Variants in MFGE8 observed in about 807,000 individuals in gnomAD.
MFGE8 encodes the protein milk fat globule EGF and factor V/VIII domain containing, also known as lactadherin.
In MFGE8, 34 loss-of-function variants were observed where a neutral mutation model predicts 42.6. The observed-to-expected ratio is 0.80, with a 90% CI of 0.61 to 1.06. MFGE8 has a LOEUF of 1.06. MFGE8 is among the 50% of genes least tolerant of loss of function. The pLI, the probability that MFGE8 is intolerant of heterozygous loss-of-function variation, is 0.00. For missense variants in MFGE8, 510 were observed against 516.9 expected (o/e 0.99, Z 0.13); for synonymous variants, 230 against 214.8 (o/e 1.07, Z -0.62).
At position 88,901,134 on chromosome 15, in the gene MFGE8, CAT is replaced by C. The variant is rs1387118291; in HGVS notation, c.870+415_870+416del. Among the ~76,000 whole-genome samples, 2 of 111,398 alleles carry C rather than the reference CAT, an allele frequency of 1.8e-5. 1 individual carries two copies. Among genetic ancestry groups the C allele is most frequent in the Non-Finnish European group, 4.0e-5 (2 of 49,688 alleles). 73.1% of individuals were successfully genotyped at this position (111,398 alleles called of 152,430 possible). On this transcript the variant is annotated intron_variant, in intron 6 of 7. Coordinates refer to ENST00000268150, the MANE Select transcript of MFGE8 (RefSeq NM_005928.4). ...TCACACATACACATTCACACACACA[CAT>C]TCACACACACATTCTCACACACACA...
chr15:88,900,808 T>C (rs906086055), intron 6 of MFGE8: 13 of 931,850 alleles, frequency 1.4e-5, no homozygotes, highest in Non-Finnish European at 1.7e-5. Context: ...TCTTAGACAC[T>C]GAGTCAGAGA....
intron 1 of MFGE8, chr15:88,912,786 C>G (rs1899028708): frequency 1.0e-6 from 1 of 985,286 alleles, no homozygotes. Flanking sequence ...CAATTGGGAG[C>G]GCAAAAATCC....
chr15:88,907,172 C>T (rs768632578), intron 3 of MFGE8, 23 bp downstream of exon 3: 14 of 1,607,516 alleles, frequency 8.7e-6, no homozygotes, highest in African/African-American at 4.0e-5. Context: ...ATTGCCCCGC[C>T]CCAGGGCCAT....
Position 88,906,770 on chromosome 15 carries a change from C to G in MFGE8, c.396G>C (p.Leu132=), listed in dbSNP as rs750409778. Residue 132 remains leucine, a synonymous_variant, in exon 4 of 8, where the codon CTG becomes CTC. Coordinates refer to ENST00000268150, the MANE Select transcript of MFGE8 (RefSeq NM_005928.4). This position sits in a 1 kb window ranked among gnomAD's most constrained non-coding sequence, Gnocchi z 4.2. ...NDDNPWIQVN[L]LRRMWVTGVV... ...CACCTGTTACCCACATCCTCCGCAG[C>G]AGGTTCACCTGGACACAGGGCAGGG... is the stretch of plus-strand genomic sequence containing the variant. The G allele has an allele frequency of 1.9e-6, 3 of 1,612,940 alleles. No individual in the cohort carries two copies. The highest frequency in any genetic ancestry group is 2.5e-6 in the Non-Finnish European group (3 of 1,179,860).
intron 2 of MFGE8, among the ~76,000 whole-genome samples, chr15:88,909,164 A>T (rs1289542955): frequency 1.3e-5 from 2 of 152,142 alleles, no homozygotes; most frequent in African/African-American, 4.8e-5. Context: ...TGCTGTTGCC[A>T]CCCCACCTAG....
intron 6 of MFGE8, among the ~76,000 whole-genome samples, chr15:88,900,103 A>G (rs896994301): frequency 6.6e-6 from 1 of 152,072 alleles, no homozygotes; most frequent in African/African-American, 2.4e-5. Flanking sequence ...TTAGCTGGGC[A>G]TGATGGTGGC....
At chr15:88,912,013 A>G in intron 1 of MFGE8, 1 of 812,162 alleles carries the variant, frequency 1.2e-6, no homozygotes, top group Non-Finnish European at 1.8e-6. Context: ...TGGGTTGGGA[A>G]TGGACTCTTC....
Position 88,899,310 on chromosome 15 carries a change from G to GC in MFGE8, c.*84dup. The stretch of plus-strand genomic sequence containing the variant: ...ACACCCTCCCCTTCCCCAGTCCCCA[G>GC]CCCTATGGTGATTTAAAGGGGCTGA... On this transcript the variant is annotated 3_prime_UTR_variant, in exon 8 of 8. Coordinates refer to ENST00000268150, the MANE Select transcript of MFGE8 (RefSeq NM_005928.4). This position sits in a 1 kb window ranked among gnomAD's most constrained non-coding sequence, Gnocchi z 6.8. The GC allele has an allele frequency of 1.9e-6, 3 of 1,582,614 alleles. No individual in the cohort carries two copies. The highest frequency in any genetic ancestry group is 2.6e-6 in the Non-Finnish European group (3 of 1,162,912).
At chr15:88,901,325 A>G (rs774335648) in intron 6 of MFGE8, among the ~76,000 whole-genome samples, 1 of 125,276 alleles carries the variant, frequency 8.0e-6, no homozygotes, top group Non-Finnish European at 1.9e-5. Flanking sequence ...ACATTCACAC[A>G]CACACACACA....
chr15:88,907,711 C>CG (rs1555414374), intron 2 of MFGE8, among the ~76,000 whole-genome samples: 7 of 151,250 alleles, frequency 4.6e-5, no homozygotes, highest in Admixed American at 4.0e-4. Flanking sequence ...TAGAGTCCCC[C>CG]CCGCCAGGCT....
At chr15:88,912,094 G>T (rs113487507) in intron 1 of MFGE8, 1 of 1,288,212 alleles carries the variant, frequency 7.8e-7, no homozygotes, top group South Asian at 1.2e-5. Flanking sequence ...AAAGGGAAAG[G>T]GAAAGGTGTA....
intron 2 of MFGE8, among the ~76,000 whole-genome samples, chr15:88,909,569 G>C (rs1348496571): frequency 6.6e-6 from 1 of 152,184 alleles, no homozygotes; most frequent in African/African-American, 2.4e-5. Context: ...TCTCAGGAAA[G>C]AGGGCCAGGC....
In MFGE8 at chr15:88,905,934, G is replaced by T. The variant is rs1375624830; in HGVS notation, c.541-33C>A. The T allele has an allele frequency of 6.2e-7, 1 of 1,613,726 alleles. No individual in the cohort carries two copies. Among genetic ancestry groups the T allele is most frequent in the Non-Finnish European group, 8.5e-7 (1 of 1,179,706 alleles). The stretch of plus-strand genomic sequence containing the variant: ...GGAAGGGACAAGACTGGAGAAGGGG[G>T]TCCATCTGAGCAGTCCCCCTCCCTG... On this transcript the variant is annotated intron_variant, in intron 4 of 7. Transcript: ENST00000268150. The surrounding 1 kb of genome is among the most constrained non-coding windows in gnomAD (Gnocchi z 6.6).
At chr15:88,909,165 C>T (rs1229419846) in intron 2 of MFGE8, among the ~76,000 whole-genome samples, 1 of 152,232 alleles carries the variant, frequency 6.6e-6, no homozygotes, top group Non-Finnish European at 1.5e-5. Flanking sequence ...GCTGTTGCCA[C>T]CCCACCTAGG....
At position 88,905,711 on chromosome 15, in the gene MFGE8, TAGGATTGGCCAAC is replaced by T. The variant is rs760015974; in HGVS notation, c.685+33_685+45del. ...AGAGGCAGCAGGGAGGGCCACCTCC[TAGGATTGGCCAAC>T]AGTGCCCCCCTACCCGCACCCCCAG... On this transcript the variant is annotated intron_variant, in intron 5 of 7. Coordinates refer to ENST00000268150, the MANE Select transcript of MFGE8 (RefSeq NM_005928.4). This position sits in a 1 kb window ranked among gnomAD's most constrained non-coding sequence, Gnocchi z 6.6. The T allele has an allele frequency of 1.2e-6, 2 of 1,612,326 alleles. No individual in the cohort carries two copies. Among genetic ancestry groups the T allele is most frequent in the Admixed American group, 3.3e-5 (2 of 59,984 alleles).
chr15:88,901,760 T>C, intron 5 of MFGE8, 25 bp from the exon 6 acceptor site: 1 of 1,613,172 alleles, frequency 6.2e-7, no homozygotes, highest in East Asian at 2.2e-5. Context: ...GGCTGTCATC[T>C]GGATCTGGGA....
In MFGE8 at chr15:88,899,997, GGA is replaced by G. The variant is rs1177207151; in HGVS notation, c.871-188_871-187del. Among the ~76,000 whole-genome samples the G allele has an allele frequency of 6.6e-6, 1 of 152,152 alleles. No homozygotes were observed. The highest frequency in any genetic ancestry group is 1.9e-4 in the East Asian group (1 of 5,184). ...TCATGCCTATAATCCCAACACTTTG[GGA>G]GAGACTTGAGGCAGGTGGATCACCT... is the stretch of plus-strand genomic sequence containing the variant. On this transcript the variant is annotated intron_variant, in intron 6 of 7. Transcript: ENST00000268150. The surrounding 1 kb of genome is among the most constrained non-coding windows in gnomAD (Gnocchi z 6.8).
At chr15:88,910,060 C>T (rs777244398) in intron 1 of MFGE8, 137 bp from the exon 2 acceptor site, 65 of 1,137,146 alleles carry the variant, frequency 5.7e-5, no homozygotes, top group Non-Finnish European at 7.7e-5. Flanking sequence ...CCTCTTCCCC[C>T]GTGTGCTGGA....
In MFGE8 at chr15:88,913,268, G is replaced by C; in HGVS notation, c.52C>G (p.Pro18Ala). The C allele has an allele frequency of 6.6e-7, 1 of 1,504,928 alleles. No homozygotes were observed. The highest frequency in any genetic ancestry group is 8.8e-7 in the Non-Finnish European group (1 of 1,134,786). 93.2% of individuals were successfully genotyped at this position (1,504,928 alleles called of 1,614,324 possible). The change falls in exon 1 of 8, where the codon CCC becomes GCC. Residue 18 changes from proline (P) to alanine (A), a missense_variant. Transcript: ENST00000268150. ...AALCGALLCA[P>A]SLLVALDICS... ...TCACCCAGGGCGACGAGGAGGCTGG[G>C]GGCGCAGAGCAGCGCGCCGCACAGC... is the stretch of plus-strand genomic sequence containing the variant.
Sources: allele counts gnomAD v4.1 joint callset (sites outside exome capture counted in the v4.1 genomes callset), GRCh38; gene constraint gnomAD v4.1.1; non-coding constraint Gnocchi (gnomAD v3.1); transcripts MANE v1.5; gene names NCBI Gene and HGNC (gene_info 2026-07-23, HGNC 2026-07-21).